SLC13A4: variants seen among roughly 807,000 people sequenced by gnomAD.
The protein encoded by SLC13A4 is Na(+)/sulfate cotransporter SUT-1.
A neutral mutation model predicts 72.7 loss-of-function variants in SLC13A4; 28 were observed. The observed-to-expected ratio is 0.39, with a 90% CI of 0.29 to 0.53. The LOEUF is 0.53. SLC13A4 is among the 20% of genes least tolerant of loss of function. SLC13A4 has a pLI of 0.78. For synonymous variants in SLC13A4, 312 were observed against 325.5 expected, an observed-to-expected ratio of 0.96 and a Z score of 0.45; for missense variants, 653 against 788.0, an observed-to-expected ratio of 0.83 and a Z score of 2.05.
intron 6 of SLC13A4, chr7:135,702,033 C>A: frequency 3.0e-6 from 1 of 331,136 alleles, no homozygotes; most frequent in Non-Finnish European, 5.4e-6. Context: ...ACTTTATTAG[C>A]TAATGAAGAA....
intron 9 of SLC13A4, 116 bp from the exon 10 acceptor site, chr7:135,694,354 C>T: frequency 1.5e-6 from 1 of 657,512 alleles, no homozygotes; most frequent in Non-Finnish European, 2.7e-6. Context: ...TCCTCTTTCA[C>T]ATGCTCTATC....
In SLC13A4 at chr7:135,710,582, TA is replaced by T. The variant is rs1009066910; in HGVS notation, c.229-2333del. On this transcript the variant is annotated intron_variant, in intron 2 of 15. Coordinates refer to ENST00000682651, the MANE Select transcript of SLC13A4 (RefSeq NM_001318192.2). ...ACTCTGAGGGTGGGGTGGGACTTGGTAGGGGGGGAAGTGGGAGGGATGAGGA... is the reference window on the plus strand; with the variant it reads ...ACTCTGAGGGTGGGGTGGGACTTGGTGGGGGGGAAGTGGGAGGGATGAGGA... 9.6e-5 allele frequency among the ~76,000 whole-genome samples: 14 copies of T among 145,150 alleles called. No individual in the cohort carries two copies. The South Asian group carries it at 1.4e-3, about 14-fold the overall frequency.
intron 1 of SLC13A4, among the ~76,000 whole-genome samples, chr7:135,725,161 T>C (rs566487122): frequency 1.3e-5 from 2 of 152,300 alleles, no homozygotes; most frequent in East Asian, 3.9e-4. Flanking sequence ...TTGGCTCCCG[T>C]TTACAAGTAA....
chr7:135,718,204 G>A (rs1427357022), intron 2 of SLC13A4, among the ~76,000 whole-genome samples: 1 of 152,050 alleles, frequency 6.6e-6, no homozygotes, highest in Non-Finnish European at 1.5e-5. Flanking sequence ...CAAGAGGGGA[G>A]AGATGACATT....
intron 8 of SLC13A4, among the ~76,000 whole-genome samples, chr7:135,699,101 C>A (rs896572578): frequency 3.9e-5 from 6 of 152,010 alleles, no homozygotes; most frequent in African/African-American, 7.2e-5. Flanking sequence ...TCACCATGCT[C>A]AGCTAATTTT....
intron 8 of SLC13A4, among the ~76,000 whole-genome samples, chr7:135,698,585 T>G (rs1313551188): frequency 1.3e-5 from 2 of 150,246 alleles, no homozygotes; most frequent in Admixed American, 6.7e-5. Context: ...TCTGCCCACC[T>G]TGGCCTCCCA....
At chr7:135,687,945 G>A (rs1795674774) in intron 13 of SLC13A4, among the ~76,000 whole-genome samples, 1 of 151,770 alleles carries the variant, frequency 6.6e-6, no homozygotes, top group African/African-American at 2.4e-5. Context: ...TGGGTAGCTG[G>A]GATTACAGGC....
intron 2 of SLC13A4, among the ~76,000 whole-genome samples, chr7:135,719,225 C>G (rs933772923): frequency 1.3e-5 from 2 of 152,212 alleles, no homozygotes; most frequent in African/African-American, 4.8e-5. Flanking sequence ...TGGCCTTCCT[C>G]TCTGGACAAA....
In SLC13A4 at chr7:135,699,624, C is replaced by G; in HGVS notation, c.715-76G>C. 3 of 1,340,320 alleles carry G rather than the reference C, an allele frequency of 2.2e-6. No homozygotes were observed. In the South Asian group the frequency reaches 4.7e-5, roughly 21 times the overall value. The allele number at this position is 1,340,320 out of a possible 1,614,324, so 83.0% of individuals were successfully genotyped here. The stretch of plus-strand genomic sequence containing the variant: ...CCGAAGCATGAGAGGCAGGAGGCAC[C>G]ATGGTACAGCGGAAAGGGTTTGAGC... On this transcript the variant is annotated intron_variant, in intron 7 of 15. Transcript: ENST00000682651.
intron 8 of SLC13A4, among the ~76,000 whole-genome samples, chr7:135,696,356 TA>T (rs1197403706): frequency 2.6e-5 from 4 of 152,140 alleles, no homozygotes; most frequent in African/African-American, 7.2e-5. Context: ...TTTTTATTTT[TA>T]TTTTTTTTTG....
intron 1 of SLC13A4, among the ~76,000 whole-genome samples, chr7:135,724,119 C>T (rs1280540738): frequency 6.6e-6 from 1 of 152,162 alleles, no homozygotes; most frequent in Non-Finnish European, 1.5e-5. Flanking sequence ...TTATTTCTTC[C>T]TGGAACCCTT....
chr7:135,727,182 A>T (rs1048991437), intron 1 of SLC13A4, among the ~76,000 whole-genome samples: 22 of 152,132 alleles, frequency 1.4e-4, no homozygotes, highest in African/African-American at 5.3e-4. Flanking sequence ...GGTGGGGGCC[A>T]TGGGGTTGGG....
At chr7:135,683,919 G>T in intron 15 of SLC13A4, 3 of 598,754 alleles carry the variant, frequency 5.0e-6, no homozygotes, top group Non-Finnish European at 6.3e-6. Context: ...CCAGGGAAGG[G>T]TTGGGGAGAG....
Position 135,691,533 on chromosome 7 carries a change from C to T in SLC13A4, c.1321+15G>A, listed in dbSNP as rs1795787281. 7 of 1,599,252 alleles carry T rather than the reference C, an allele frequency of 4.4e-6. No homozygotes were observed. Among genetic ancestry groups the T allele is most frequent in the Non-Finnish European group, 6.0e-6 (7 of 1,166,614 alleles). Reference sequence around the variant, plus strand: ...CTTCAACTAGAGCTACCCCCAGTTTCTTCCCTTCTCTCACCATCATTCTTT... The same window carrying T: ...CTTCAACTAGAGCTACCCCCAGTTTTTTCCCTTCTCTCACCATCATTCTTT... On this transcript the variant is annotated intron_variant, in intron 12 of 15. Transcript: ENST00000682651.
intron 2 of SLC13A4, among the ~76,000 whole-genome samples, chr7:135,709,415 C>CT (rs367573939): frequency 1.5e-3 from 84 of 54,688 alleles, no homozygotes; most frequent in Non-Finnish European, 2.5e-3. Context: ...TCCTTTCTTT[C>CT]TTTTTTTTTT....
chr7:135,718,108 C>T (rs564740454), intron 2 of SLC13A4, among the ~76,000 whole-genome samples: 41 of 140,620 alleles, frequency 2.9e-4, no homozygotes, highest in African/African-American at 3.5e-4. Context: ...CGCACGCGTG[C>T]GCGCTAGTCT....
chr7:135,706,029 G>T (rs1000544903), intron 4 of SLC13A4, 99 bp downstream of exon 4: 2 of 1,208,106 alleles, frequency 1.7e-6, no homozygotes, highest in South Asian at 3.3e-5. Context: ...GGGTCCTGGG[G>T]TGGGCACAAA....
At chr7:135,684,941 T>C (rs534425161) in intron 14 of SLC13A4, among the ~76,000 whole-genome samples, 2 of 152,226 alleles carry the variant, frequency 1.3e-5, no homozygotes, top group African/African-American at 2.4e-5. Context: ...TTCCGGCTGC[T>C]TGGCCAGGCT....
chr7:135,714,666 G>A (rs1796373465), intron 2 of SLC13A4, among the ~76,000 whole-genome samples: 1 of 152,246 alleles, frequency 6.6e-6, no homozygotes, highest in Non-Finnish European at 1.5e-5. Flanking sequence ...AGATGGGAAA[G>A]GCAGAGCTGA....
Sources: allele counts gnomAD v4.1 joint callset (sites outside exome capture counted in the v4.1 genomes callset), GRCh38; gene constraint gnomAD v4.1.1; transcripts MANE v1.5; gene names NCBI Gene and HGNC (gene_info 2026-07-23, HGNC 2026-07-21).